Variants in ZFR2 observed in about 807,000 individuals in gnomAD.
ZFR2 encodes the protein zinc finger RNA binding protein 2.
Under a neutral mutation model 105.7 loss-of-function variants are expected in ZFR2, and 104 were observed. The observed-to-expected ratio is 0.98, with a 90% CI of 0.84 to 1.16. ZFR2 has a LOEUF of 1.16. Ranked by LOEUF, ZFR2 falls within the 50% of genes most tolerant of loss-of-function variation. ZFR2 has a pLI of 0.00. For synonymous variants in ZFR2, 634 were observed against 597.7 expected (o/e 1.06, Z -0.89); for missense variants, 1,425 against 1,355.5 (o/e 1.05, Z -0.80).
At chr19:3,826,510 A>G (rs1187454746) in intron 6 of ZFR2, among the ~76,000 whole-genome samples, 1 of 151,054 alleles carries the variant, frequency 6.6e-6, no homozygotes, top group African/African-American at 2.4e-5. Flanking sequence ...ATCTCAGCTC[A>G]CTGCAACCTC....
At chr19:3,865,336 T>A (rs762478726) in intron 1 of ZFR2, among the ~76,000 whole-genome samples, 1 of 152,152 alleles carries the variant, frequency 6.6e-6, no homozygotes, top group Non-Finnish European at 1.5e-5. Context: ...TACCCAGGGC[T>A]ACGGTTATCA....
intron 1 of ZFR2, chr19:3,852,275 G>A: frequency 5.0e-6 from 3 of 601,232 alleles, no homozygotes; most frequent in Non-Finnish European, 9.0e-6. Context: ...CAGCTGGGTG[G>A]CTCTCCTGGC....
intron 1 of ZFR2, chr19:3,852,324 T>C: frequency 3.2e-6 from 2 of 618,886 alleles, no homozygotes; most frequent in East Asian, 5.6e-5. Context: ...CTGGTGGAGG[T>C]GGGCCTCAGC....
At chr19:3,839,702 T>C (rs990077222) in intron 1 of ZFR2, among the ~76,000 whole-genome samples, 21 of 151,926 alleles carry the variant, frequency 1.4e-4, no homozygotes, top group African/African-American at 5.1e-4. Context: ...TAAGTGCTAA[T>C]GTTTGGCTGT....
rs186262147 is a variant in ZFR2 at position 3,832,907 on chromosome 19, T to C, written c.379+757A>G. ...TCCCACCTCGGGCCTCCCAAAGTGT[T>C]GGGATTACAGGCGTGAGCCACCGTG... On this transcript the variant is annotated intron_variant, in intron 3 of 18. Transcript: ENST00000262961. 7.3e-3 allele frequency among the ~76,000 whole-genome samples: 1,103 copies of C among 151,790 alleles called. 12 individuals carry two copies. The highest frequency in any genetic ancestry group is 0.025 in the African/African-American group (1,045 of 41,480).
chr19:3,804,285 G>C lies in ZFR2; in HGVS notation c.*1664C>G, dbSNP rs75442875. On this transcript the variant is annotated 3_prime_UTR_variant, in exon 19 of 19. Transcript: ENST00000262961. ...GAAGGGGGTGCCCCCACATCCATCA[G>C]TGCCAGGAGGCGCCTGCCCACCATG... 6.6e-6 allele frequency: 1 copy of C among 152,372 alleles called. No individual in the cohort carries two copies. The highest frequency in any genetic ancestry group is 1.5e-5 in the Non-Finnish European group (1 of 68,220). 9.4% of individuals were successfully genotyped at this position (152,372 alleles called of 1,614,324 possible).
At chr19:3,865,718 C>T (rs1180912930) in intron 1 of ZFR2, among the ~76,000 whole-genome samples, 2 of 152,104 alleles carry the variant, frequency 1.3e-5, no homozygotes, top group African/African-American at 4.8e-5. Context: ...TGAATTGCTG[C>T]CTTTGTTTTG....
chr19:3,815,430 T>C (rs2037815200), intron 13 of ZFR2, among the ~76,000 whole-genome samples: 2 of 152,320 alleles, frequency 1.3e-5, no homozygotes, highest in Admixed American at 6.5e-5. Context: ...ATGTAAATTC[T>C]TCAGTATGAG....
rs2038049630 is a variant in ZFR2, at chr19:3,834,048, G to A, written c.265-270C>T. ...TGCAATTTACAAGAGGACGCTTGGT[G>A]CGGCAGGAGAGGGCGGGTTTGCAGG... On this transcript the variant is annotated intron_variant, in intron 2 of 18. Coordinates refer to ENST00000262961, the MANE Select transcript of ZFR2 (RefSeq NM_015174.2). This position sits in a 1 kb window ranked among gnomAD's most constrained non-coding sequence, Gnocchi z 5.3. 6.6e-6 allele frequency among the ~76,000 whole-genome samples: 1 copy of A among 152,160 alleles called. No homozygotes were observed. The highest frequency in any genetic ancestry group is 1.9e-4 in the East Asian group (1 of 5,196).
Position 3,819,005 on chromosome 19 carries a change from G to A in ZFR2, c.1931+40C>T, listed in dbSNP as rs553362828. ...GTCCCGAGGAGCTGACCTCTGTCCT[G>A]GCTGAGAGCCGGGCCCTGGGGAAGG... On this transcript the variant is annotated intron_variant, in intron 12 of 18. Coordinates refer to ENST00000262961, the MANE Select transcript of ZFR2 (RefSeq NM_015174.2). 21 of 1,595,590 alleles carry A rather than the reference G, an allele frequency of 1.3e-5. No individual in the cohort carries two copies. The Admixed American group carries it at 2.8e-4, about 21-fold the overall frequency.
Position 3,858,774 on chromosome 19 carries a change from C to T in ZFR2, c.53+10191G>A, listed in dbSNP as rs190773673. On this transcript the variant is annotated intron_variant, in intron 1 of 18. Transcript: ENST00000262961. This position sits in a 1 kb window ranked among gnomAD's most constrained non-coding sequence, Gnocchi z 4.3. ...CAGAGGTTGCAGTGAGCTGAGATTG[C>T]ACCACTGTACTCCAGCCTGGGCGAC... is the stretch of plus-strand genomic sequence containing the variant. Among the ~76,000 whole-genome samples, 3 of 152,314 alleles carry T rather than the reference C, an allele frequency of 2.0e-5. No homozygotes were observed. The highest frequency in any genetic ancestry group is 4.4e-5 in the Non-Finnish European group (3 of 68,014).
chr19:3,816,359 C>G lies in ZFR2; in HGVS notation c.2103+315G>C, dbSNP rs370335643. ...CTCCGGGATTTAAGTGATTCTCCCA[C>G]TTCAGCCTCCCACATAGCTGGAATT... is the stretch of plus-strand genomic sequence containing the variant. On this transcript the variant is annotated intron_variant, in intron 13 of 18. Transcript: ENST00000262961. Among the ~76,000 whole-genome samples, 29 of 151,562 alleles carry G rather than the reference C, an allele frequency of 1.9e-4. No homozygotes were observed. In the East Asian group the frequency reaches 5.5e-3, roughly 29 times the overall value.
chr19:3,829,160 C>CTA (rs2037983684), intron 5 of ZFR2, among the ~76,000 whole-genome samples: 1 of 152,032 alleles, frequency 6.6e-6, no homozygotes, highest in African/African-American at 2.4e-5. Context: ...CGGGGTTTCA[C>CTA]CATGTTGGCC....
chr19:3,865,044 C>T lies in ZFR2; in HGVS notation c.53+3921G>A, dbSNP rs540165738. Reference sequence around the variant, plus strand: ...GATTACAGGTGTGAGCCACCGTGCCCGGCCTGCGCTCAGTGCTAATTAAAA... The same window carrying T: ...GATTACAGGTGTGAGCCACCGTGCCTGGCCTGCGCTCAGTGCTAATTAAAA... On this transcript the variant is annotated intron_variant, in intron 1 of 18. Coordinates refer to ENST00000262961, the MANE Select transcript of ZFR2 (RefSeq NM_015174.2). 7.2e-5 allele frequency among the ~76,000 whole-genome samples: 11 copies of T among 152,194 alleles called. No homozygotes were observed. The East Asian group carries it at 7.7e-4, about 11-fold the overall frequency.
Position 3,805,868 on chromosome 19 carries a change from G to A in ZFR2, c.*81C>T, listed in dbSNP as rs1203510421. 1.1e-5 allele frequency: 15 copies of A among 1,385,310 alleles called. No individual in the cohort carries two copies. Among genetic ancestry groups the A allele is most frequent in the Non-Finnish European group, 1.4e-5 (15 of 1,058,624 alleles). The allele number at this position is 1,385,310 out of a possible 1,614,324, so 85.8% of individuals were successfully genotyped here. A position where few individuals can be genotyped will look rare whatever the true frequency, so the allele number is the denominator to read the frequency against. On this transcript the variant is annotated 3_prime_UTR_variant, in exon 19 of 19. Transcript: ENST00000262961. ...GGAAATGACCATTGTCCAACGTCGGGGATGAAGCAGCCATTGGTCGGCGCG... is the reference window on the plus strand; with the variant it reads ...GGAAATGACCATTGTCCAACGTCGGAGATGAAGCAGCCATTGGTCGGCGCG...
At chr19:3,864,559 A>G (rs1159689322) in intron 1 of ZFR2, among the ~76,000 whole-genome samples, 1 of 152,236 alleles carries the variant, frequency 6.6e-6, no homozygotes, top group Non-Finnish European at 1.5e-5. Flanking sequence ...AGGTAACGGC[A>G]GAGGCCTCTG....
chr19:3,828,768 G>A (rs1313238650), intron 5 of ZFR2, among the ~76,000 whole-genome samples: 1 of 152,132 alleles, frequency 6.6e-6, no homozygotes, highest in Non-Finnish European at 1.5e-5. Flanking sequence ...CCCTGACAAT[G>A]CCAAGAATAA....
intron 5 of ZFR2, among the ~76,000 whole-genome samples, chr19:3,830,554 G>A (rs2038000893): frequency 6.6e-6 from 1 of 152,148 alleles, no homozygotes; most frequent in Non-Finnish European, 1.5e-5. Flanking sequence ...AGGGTGATCT[G>A]GGGCGGGAGG....
At position 3,823,466 on chromosome 19, in the gene ZFR2, C is replaced by T. The variant is rs749512287; in HGVS notation, c.1214-63G>A. The T allele has an allele frequency of 5.1e-5, 76 of 1,503,804 alleles. No individual in the cohort carries two copies. In the East Asian group the frequency reaches 1.5e-3, roughly 30 times the overall value. 93.2% of individuals were successfully genotyped at this position (1,503,804 alleles called of 1,614,324 possible). On this transcript the variant is annotated intron_variant, in intron 7 of 18. Transcript: ENST00000262961. The surrounding 1 kb of genome is among the most constrained non-coding windows in gnomAD (Gnocchi z 5.4). Reference sequence around the variant, plus strand: ...GGAGAAAGCACTGCAGCTGCAGACCCGCCAGGCGGCATGGGGTGGAGAGCC... The same window carrying T: ...GGAGAAAGCACTGCAGCTGCAGACCTGCCAGGCGGCATGGGGTGGAGAGCC...
Sources: allele counts gnomAD v4.1 joint callset (sites outside exome capture counted in the v4.1 genomes callset), GRCh38; gene constraint gnomAD v4.1.1; non-coding constraint Gnocchi (gnomAD v3.1); transcripts MANE v1.5; gene names NCBI Gene and HGNC (gene_info 2026-07-23, HGNC 2026-07-21).